The following HK2 variants were observed in gnomAD, a reference collection of about 807,000 sequenced individuals.
HK2 encodes the protein hexokinase 2.
Under a neutral mutation model 92.9 loss-of-function variants are expected in HK2, and 42 were observed. The ratio of observed to expected loss-of-function variants is 0.45; its 90% CI spans 0.35 to 0.58. The LOEUF is 0.58. Ranked by LOEUF, HK2 falls within the 20% of genes least tolerant of loss-of-function variation. The probability of loss-of-function intolerance (pLI) is 0.00; values close to 1 mark genes in which losing one functional copy is unlikely to be tolerated. For missense variants in HK2, 978 were observed against 1,245.1 expected, an observed-to-expected ratio of 0.79 and a Z score of 3.23; for synonymous variants, 422 against 468.0, an observed-to-expected ratio of 0.90 and a Z score of 1.27.
chr2:74,879,100 G>C (rs1689316573), intron 9 of HK2, among the ~76,000 whole-genome samples, 179 bp downstream of exon 9: 1 of 152,198 alleles, frequency 6.6e-6, no homozygotes, highest in Non-Finnish European at 1.5e-5. Context: ...AGTCATATCT[G>C]GTGTGGGTGG....
At chr2:74,869,059 A>T (rs1003195619) in intron 3 of HK2, among the ~76,000 whole-genome samples, 1 of 152,058 alleles carries the variant, frequency 6.6e-6, no homozygotes, top group Non-Finnish European at 1.5e-5. Context: ...CCACCTAGTT[A>T]GAGGGTATCA....
At chr2:74,880,668 C>A in intron 10 of HK2, 99 bp downstream of exon 10, 1 of 1,227,138 alleles carries the variant, frequency 8.1e-7, no homozygotes, top group Non-Finnish European at 1.2e-6. Context: ...GACATTTGAA[C>A]CAGAACACGT....
At chr2:74,859,024 G>A (rs1688754736) in intron 2 of HK2, among the ~76,000 whole-genome samples, 1 of 152,216 alleles carries the variant, frequency 6.6e-6, no homozygotes, top group Non-Finnish European at 1.5e-5. Context: ...CTTACTCAAT[G>A]ACTGAATTTG....
At chr2:74,847,524 A>T (rs1263286962) in intron 1 of HK2, among the ~76,000 whole-genome samples, 2 of 152,146 alleles carry the variant, frequency 1.3e-5, no homozygotes, top group Non-Finnish European at 2.9e-5. Context: ...CAGAAAAAAT[A>T]AAATTAAAAA....
chr2:74,869,009 G>A (rs1004648567), intron 3 of HK2, among the ~76,000 whole-genome samples: 1 of 152,056 alleles, frequency 6.6e-6, no homozygotes, highest in Non-Finnish European at 1.5e-5. Flanking sequence ...TTCAAGATGT[G>A]AGTGAAGTTC....
intron 1 of HK2, 68 bp from the exon 2 acceptor site, chr2:74,854,225 C>T: frequency 6.9e-7 from 1 of 1,442,078 alleles, no homozygotes. Context: ...AGTGGTGTTC[C>T]ATGACGTACA....
intron 12 of HK2, among the ~76,000 whole-genome samples, chr2:74,883,266 G>T (rs1689445717): frequency 6.6e-6 from 1 of 152,234 alleles, no homozygotes; most frequent in Non-Finnish European, 1.5e-5. Flanking sequence ...GGCTGATGAA[G>T]CAAGCTCAGA....
Position 74,882,179 on chromosome 2 carries a change from C to T in HK2, c.1779C>T (p.Gly593=), listed in dbSNP as rs532190486. 1.9e-5 allele frequency: 30 copies of T among 1,614,136 alleles called. No individual in the cohort carries two copies. Among genetic ancestry groups the T allele is most frequent in the East Asian group, 6.7e-5 (3 of 44,874 alleles). ...ADFLEYMGMK[G]VSLPLGFTFS... The stretch of plus-strand genomic sequence containing the variant: ...TCCTCGAGTACATGGGCATGAAGGG[C>T]GTGTCCCTGCCTCTGGGTTTTACCT... The change falls in exon 12 of 18, where the codon GGC becomes GGT. Residue 593 remains glycine (G), a synonymous_variant. Coordinates refer to ENST00000290573, the MANE Select transcript of HK2 (RefSeq NM_000189.5).
Position 74,889,613 on chromosome 2 carries a change from T to C in HK2, c.2609+135T>C, listed in dbSNP as rs145446073. On this transcript the variant is annotated intron_variant, in intron 17 of 17. Coordinates refer to ENST00000290573, the MANE Select transcript of HK2 (RefSeq NM_000189.5). ...AATAGTGTATATAATACATGGATTA[T>C]AGTTTAAAGATTCATAATCAGAAGT... The C allele has an allele frequency of 5.6e-4, 420 of 750,840 alleles. 6 individuals are homozygous for C. In the East Asian group the frequency reaches 6.0e-3, roughly 11 times the overall value. 46.5% of individuals were successfully genotyped at this position (750,840 alleles called of 1,614,324 possible).
chr2:74,875,047 G>A (rs1327261062), intron 7 of HK2, among the ~76,000 whole-genome samples: 1 of 152,128 alleles, frequency 6.6e-6, no homozygotes, highest in African/African-American at 2.4e-5. Context: ...CCTGAATATT[G>A]TATTCTCCAG....
intron 1 of HK2, among the ~76,000 whole-genome samples, chr2:74,842,367 A>G (rs1490799990): frequency 6.6e-6 from 1 of 152,216 alleles, no homozygotes; most frequent in Non-Finnish European, 1.5e-5. Flanking sequence ...GATATTCAAC[A>G]CTTTATTGTA....
Position 74,891,153 on chromosome 2 carries a change from G to A in HK2, c.*212G>A, listed in dbSNP as rs1689668716. 1.7e-6 allele frequency: 1 copy of A among 589,820 alleles called. No homozygotes were observed. The highest frequency in any genetic ancestry group is 2.9e-5 in the Admixed American group (1 of 33,998). The allele number at this position is 589,820 out of a possible 1,614,324, so 36.5% of individuals were successfully genotyped here. ...TAAATAGAGTTCCAAATAAGGATTT[G>A]TTCACATGCATCATAACCATTCCCA... On this transcript the variant is annotated 3_prime_UTR_variant, in exon 18 of 18. Transcript: ENST00000290573.
chr2:74,849,926 C>T (rs954359626), intron 1 of HK2, among the ~76,000 whole-genome samples: 8 of 152,240 alleles, frequency 5.3e-5, no homozygotes, highest in African/African-American at 1.9e-4. Context: ...CAAGGGTTGA[C>T]CTGAATGAGT....
At chr2:74,848,272 T>C (rs939676023) in intron 1 of HK2, among the ~76,000 whole-genome samples, 4 of 152,212 alleles carry the variant, frequency 2.6e-5, no homozygotes, top group Non-Finnish European at 5.9e-5. Context: ...GAGACACTCA[T>C]TGATCTATAA....
At chr2:74,858,491 G>A (rs78708196) in intron 2 of HK2, among the ~76,000 whole-genome samples, 2,935 of 152,214 alleles carry the variant, frequency 0.019, 103 homozygotes, top group African/African-American at 0.068. Flanking sequence ...CAGGGGGATC[G>A]GTTTTCTGAG....
intron 1 of HK2, among the ~76,000 whole-genome samples, chr2:74,853,809 G>A (rs1019517261): frequency 2.0e-5 from 3 of 152,180 alleles, no homozygotes; most frequent in Admixed American, 6.5e-5. Context: ...GGGGATCAGC[G>A]GAGTCTGGCT....
Position 74,872,263 on chromosome 2 carries a change from A to G in HK2, c.376-37A>G, listed in dbSNP as rs760339432. The G allele has an allele frequency of 5.6e-6, 9 of 1,611,816 alleles. No homozygotes were observed. In the South Asian group the frequency reaches 9.9e-5, roughly 18 times the overall value. On this transcript the variant is annotated intron_variant, in intron 3 of 17. Transcript: ENST00000290573. The stretch of plus-strand genomic sequence containing the variant: ...ATGCCCTTAATCTCTATGCTGTTCG[A>G]CCTCTCTGCTCACCACCCTGTGTCA...
At chr2:74,844,762 A>T (rs972126278) in intron 1 of HK2, among the ~76,000 whole-genome samples, 9 of 152,224 alleles carry the variant, frequency 5.9e-5, no homozygotes, top group African/African-American at 2.2e-4. Context: ...CTGGGAGGAA[A>T]CCATGCTGCT....
In HK2 at chr2:74,855,229, A is replaced by G. The variant is rs28746194; in HGVS notation, c.226+774A>G. ...AGGTTGGTCTCGAACTCCTGACCTC[A>G]GGTGATCCGCCCGCTTCAGCCTCCC... On this transcript the variant is annotated intron_variant, in intron 2 of 17. Coordinates refer to ENST00000290573, the MANE Select transcript of HK2 (RefSeq NM_000189.5). 5.5e-3 allele frequency among the ~76,000 whole-genome samples: 843 copies of G among 152,318 alleles called. 3 individuals are homozygous for G. The highest frequency in any genetic ancestry group is 7.5e-3 in the Non-Finnish European group (508 of 68,020).
Sources: allele counts gnomAD v4.1 joint callset (sites outside exome capture counted in the v4.1 genomes callset), GRCh38; gene constraint gnomAD v4.1.1; transcripts MANE v1.5; gene names NCBI Gene and HGNC (gene_info 2026-07-23, HGNC 2026-07-21).